The following EOGT variants were observed in gnomAD, a reference collection of about 807,000 sequenced individuals.
The protein encoded by EOGT is EGF domain specific O-linked N-acetylglucosamine transferase, also known as EGF domain-specific O-linked N-acetylglucosamine transferase.
In EOGT, 55 loss-of-function variants were observed where a neutral mutation model predicts 70.5. The observed-to-expected ratio is 0.78, with a 90% confidence interval of 0.63 to 0.98. EOGT has a LOEUF of 0.98. Among genes scored for constraint, EOGT ranks in the 50% least tolerant of loss-of-function variants. EOGT has a pLI of 0.00. For synonymous variants in EOGT, 246 were observed against 217.1 expected, an observed-to-expected ratio of 1.13 and a Z score of -1.17; for missense variants, 703 against 641.9, an observed-to-expected ratio of 1.10 and a Z score of -1.03.
chr3:69,001,770 G>C (rs551626652), intron 8 of EOGT, 56 bp from the exon 9 acceptor site: 1 of 1,200,122 alleles, frequency 8.3e-7, no homozygotes, highest in East Asian at 2.4e-5. Flanking sequence ...CTTCCTATTA[G>C]AACACTGTAA....
In EOGT at chr3:68,981,365, G is replaced by C. The variant is rs150164472; in HGVS notation, c.1214+1446C>G. On this transcript the variant is annotated intron_variant, in intron 15 of 17. Coordinates refer to ENST00000383701, the MANE Select transcript of EOGT (RefSeq NM_001278689.2). Reference sequence around the variant, plus strand: ...AATGAACTAATGTATGATGAATGAAGTGCAAAGCTCCCATGCCAACATTCT... The same window carrying C: ...AATGAACTAATGTATGATGAATGAACTGCAAAGCTCCCATGCCAACATTCT... Among the ~76,000 whole-genome samples, 563 of 152,210 alleles carry C rather than the reference G, an allele frequency of 3.7e-3. 3 individuals carry two copies. Among genetic ancestry groups the C allele is most frequent in the African/African-American group, 0.013 (530 of 41,522 alleles).
chr3:68,989,785 T>TAAAAATA (rs1253933001), intron 10 of EOGT, among the ~76,000 whole-genome samples: 2 of 147,882 alleles, frequency 1.4e-5, no homozygotes, highest in African/African-American at 5.0e-5. Context: ...GGTTTAACAT[T>TAAAAATA]AAAAATATAG....
At chr3:68,997,587 T>C (rs890516447) in intron 10 of EOGT, among the ~76,000 whole-genome samples, 31 of 152,330 alleles carry the variant, frequency 2.0e-4, no homozygotes, top group Admixed American at 1.2e-3. Context: ...CAGGCTAGTC[T>C]CGAACTCCTG....
chr3:69,005,864 G>A (rs1026135627), intron 6 of EOGT, among the ~76,000 whole-genome samples: 1 of 152,180 alleles, frequency 6.6e-6, no homozygotes, highest in Non-Finnish European at 1.5e-5. Context: ...TTTATTTATA[G>A]ATTTAAATGC....
chr3:68,980,941 A>G (rs1349364075), intron 15 of EOGT, among the ~76,000 whole-genome samples: 1 of 152,182 alleles, frequency 6.6e-6, no homozygotes, highest in South Asian at 2.1e-4. Context: ...AAAGCCAGTC[A>G]ATGATACAGC....
At chr3:69,008,056 A>C (rs1459742077) in intron 5 of EOGT, among the ~76,000 whole-genome samples, 1 of 152,218 alleles carries the variant, frequency 6.6e-6, no homozygotes, top group Non-Finnish European at 1.5e-5. Flanking sequence ...TTATCACCTG[A>C]AACTGAAGCC....
chr3:69,010,587 C>T (rs67502016), intron 3 of EOGT, among the ~76,000 whole-genome samples: 3,965 of 152,318 alleles, frequency 0.026, 63 homozygotes, highest in Non-Finnish European at 0.04. Context: ...AAACCTTCAT[C>T]ATAGAGCTGT....
chr3:68,976,909 C>G lies in EOGT; in HGVS notation c.*709G>C, dbSNP rs1416553485. 2 of 152,628 alleles carry G rather than the reference C, an allele frequency of 1.3e-5. No homozygotes were observed. Among genetic ancestry groups the G allele is most frequent in the African/African-American group, 4.8e-5 (2 of 41,422 alleles). 9.5% of individuals were successfully genotyped at this position (152,628 alleles called of 1,614,324 possible). A position where few individuals can be genotyped will look rare whatever the true frequency, so the allele number is the denominator to read the frequency against. On this transcript the variant is annotated 3_prime_UTR_variant, in exon 18 of 18. Coordinates refer to ENST00000383701, the MANE Select transcript of EOGT (RefSeq NM_001278689.2). ...ATGCGTGGTGGCTCACACCTGTAATCCCAGCACTTTGGGAGGCAAGGTGGG... is the reference window on the plus strand; with the variant it reads ...ATGCGTGGTGGCTCACACCTGTAATGCCAGCACTTTGGGAGGCAAGGTGGG...
At chr3:68,985,755 G>A (rs185885722) in intron 14 of EOGT, among the ~76,000 whole-genome samples, 5 of 152,250 alleles carry the variant, frequency 3.3e-5, no homozygotes, top group Admixed American at 3.3e-4. Flanking sequence ...GTCAATTCAT[G>A]TCTCTCCCTC....
intron 10 of EOGT, among the ~76,000 whole-genome samples, chr3:68,995,594 T>C (rs2091124133): frequency 2.6e-5 from 4 of 152,182 alleles, no homozygotes. Flanking sequence ...TTGTAGGAGC[T>C]GGCTCACTTA....
chr3:68,998,590 A>G (rs1257977054), intron 9 of EOGT, among the ~76,000 whole-genome samples: 1 of 152,190 alleles, frequency 6.6e-6, no homozygotes, highest in Non-Finnish European at 1.5e-5. Flanking sequence ...ACAGTGGCTC[A>G]CACCTGTAAT....
intron 15 of EOGT, among the ~76,000 whole-genome samples, chr3:68,980,401 G>C (rs1288328712): frequency 6.6e-6 from 1 of 152,142 alleles, no homozygotes; most frequent in Non-Finnish European, 1.5e-5. Flanking sequence ...ACAATTTTAT[G>C]CATGTTAGGA....
At chr3:68,992,337 G>C (rs79928829) in intron 10 of EOGT, among the ~76,000 whole-genome samples, 1 of 152,122 alleles carries the variant, frequency 6.6e-6, no homozygotes, top group African/African-American at 2.4e-5. Context: ...CGTTCCAAAT[G>C]GGAGAAATTG....
At chr3:68,988,091 T>C (rs2090868454) in intron 13 of EOGT, among the ~76,000 whole-genome samples, 1 of 152,212 alleles carries the variant, frequency 6.6e-6, no homozygotes. Flanking sequence ...ATTTTTGTAT[T>C]TTTTGCAGAG....
chr3:69,003,563 A>G (rs2091356859), intron 8 of EOGT, among the ~76,000 whole-genome samples: 1 of 152,210 alleles, frequency 6.6e-6, no homozygotes, highest in African/African-American at 2.4e-5. Context: ...ATGAGGAACC[A>G]TGAGTCCATT....
Position 68,979,805 on chromosome 3 carries a change from A to C in EOGT, c.1215-18T>G, listed in dbSNP as rs550137927. 51 of 1,611,018 alleles carry C rather than the reference A, an allele frequency of 3.2e-5. No individual in the cohort carries two copies. The East Asian group carries it at 5.4e-4, about 17-fold the overall frequency. ...CAAGTTCTCTGTGAACATACAGAATAACATGAGAGAGATGGGGAGAAGAGA... is the reference window on the plus strand; with the variant it reads ...CAAGTTCTCTGTGAACATACAGAATCACATGAGAGAGATGGGGAGAAGAGA... On this transcript the variant is annotated intron_variant, in intron 15 of 17. Coordinates refer to ENST00000383701, the MANE Select transcript of EOGT (RefSeq NM_001278689.2).
rs964982607 is a variant in EOGT, at chr3:69,004,299, T to C, written c.620+79A>G. On this transcript the variant is annotated intron_variant, in intron 8 of 17. Coordinates refer to ENST00000383701, the MANE Select transcript of EOGT (RefSeq NM_001278689.2). ...TACAAATGAAGTAACATTTTCCATT[T>C]GAGAGTCTCCATTAATATCTGCAAG... 6 of 1,057,716 alleles carry C rather than the reference T, an allele frequency of 5.7e-6. 1 individual carries two copies. The highest frequency in any genetic ancestry group is 3.2e-5 in the African/African-American group (2 of 63,102). 65.5% of individuals were successfully genotyped at this position (1,057,716 alleles called of 1,614,324 possible). A position where few individuals can be genotyped will look rare whatever the true frequency, so the allele number is the denominator to read the frequency against.
chr3:68,989,279 T>C (rs1291115587), intron 10 of EOGT, among the ~76,000 whole-genome samples: 1 of 152,204 alleles, frequency 6.6e-6, no homozygotes, highest in Non-Finnish European at 1.5e-5. Context: ...CTTCTTTTAT[T>C]CTCACATCTT....
chr3:69,003,422 G>C (rs572992252), intron 8 of EOGT, among the ~76,000 whole-genome samples: 4 of 152,196 alleles, frequency 2.6e-5, no homozygotes, highest in African/African-American at 9.6e-5. Context: ...GGTTTTTCCT[G>C]CGCTGTTCTC....
Sources: gnomAD v4.1 joint callset for allele counts (sites outside exome capture counted in the v4.1 genomes callset) on GRCh38, gnomAD v4.1.1 for gene constraint, MANE v1.5 for transcripts, NCBI Gene and HGNC (gene_info 2026-07-23, HGNC 2026-07-21) for gene names.